Variants in TENM3 observed in about 807,000 individuals in gnomAD.
TENM3 encodes teneurin transmembrane protein 3.
A neutral mutation model predicts 255.1 loss-of-function variants in TENM3; 63 were observed. The observed-to-expected ratio is 0.25, with a 90% CI of 0.20 to 0.30. The LOEUF (loss-of-function observed/expected upper bound fraction) is 0.30. Among genes scored for constraint, TENM3 ranks in the 10% least tolerant of loss-of-function variants. The probability of loss-of-function intolerance (pLI) is 1.00; values close to 1 mark genes in which losing one functional copy is unlikely to be tolerated. For missense variants in TENM3, 2,929 were observed against 3,461.1 expected (o/e 0.85, Z 3.86); for synonymous variants, 1,306 against 1,322.3 (o/e 0.99, Z 0.27).
chr4:181,448,154 A>ATTT, the TENM3 span, among the ~76,000 whole-genome samples: 280 of 90,074 alleles, frequency 3.1e-3, 14 homozygotes, highest in South Asian at 0.019. Context: ...AAATCCAGTA[A>ATTT]TTTTTTTTTT....
At position 182,698,523 on chromosome 4, in the gene TENM3, T is replaced by C. The variant is rs182269154; in HGVS notation, c.2221+10172T>C. Among the ~76,000 whole-genome samples, 132 of 152,356 alleles carry C rather than the reference T, an allele frequency of 8.7e-4. 1 individual carries two copies. Among genetic ancestry groups the C allele is most frequent in the African/African-American group, 3.0e-3 (124 of 41,582 alleles). On this transcript the variant is annotated intron_variant, in intron 12 of 27. Coordinates refer to ENST00000511685, the MANE Select transcript of TENM3 (RefSeq NM_001080477.4). Reference sequence around the variant, plus strand: ...TCCTCACTGACTTCTGCACCTGACTTGCTGTGTAACCGTCAGGAAAAGTCA... The same window carrying C: ...TCCTCACTGACTTCTGCACCTGACTCGCTGTGTAACCGTCAGGAAAAGTCA...
At chr4:182,620,093 G>A (rs115276267) in intron 4 of TENM3, among the ~76,000 whole-genome samples, 3 of 152,244 alleles carry the variant, frequency 2.0e-5, no homozygotes, top group Non-Finnish European at 4.4e-5. Flanking sequence ...AATTTTTTAC[G>A]TGTGAGAAGC....
Position 182,600,897 on chromosome 4 carries a change from CTTTTTT to C in TENM3, c.512-9_512-4del, listed in dbSNP as rs548783934. On this transcript the variant is annotated intron_variant, in intron 3 of 27. Transcript: ENST00000511685. ...TATATATATATAATGAGTTCTCTTTCTTTTTTTTTTTTTTTTTTTTTTTCAGAGCAA... is the reference window on the plus strand; with the variant it reads ...TATATATATATAATGAGTTCTCTTTCTTTTTTTTTTTTTTTTTCAGAGCAA... 9.8e-4 allele frequency: 484 copies of C among 495,312 alleles called. No homozygotes were observed. Among genetic ancestry groups the C allele is most frequent in the East Asian group, 2.2e-3 (50 of 22,848 alleles). The allele number at this position is 495,312 out of a possible 1,614,324, so 30.7% of individuals were successfully genotyped here. A position where few individuals can be genotyped will look rare whatever the true frequency, so the allele number is the denominator to read the frequency against.
intron 3 of TENM3, among the ~76,000 whole-genome samples, chr4:182,583,613 ATAAG>A (rs1361782859): frequency 8.5e-5 from 13 of 152,116 alleles, no homozygotes; most frequent in Non-Finnish European, 1.5e-4. Flanking sequence ...TAATTTTTAT[ATAAG>A]TAAGATTCTA....
At chr4:182,264,572 G>A (rs1366354977) in intron 1 of TENM3, among the ~76,000 whole-genome samples, 1 of 152,240 alleles carries the variant, frequency 6.6e-6, no homozygotes, top group Non-Finnish European at 1.5e-5. Context: ...CTGTAGCTCA[G>A]TAGCTAAGGT....
the TENM3 span, among the ~76,000 whole-genome samples, chr4:181,830,382 C>T: frequency 6.6e-6 from 1 of 152,152 alleles, no homozygotes; most frequent in African/African-American, 2.4e-5. Flanking sequence ...GATTCTCCTG[C>T]CTCAGCCTCC....
intron 3 of TENM3, among the ~76,000 whole-genome samples, chr4:182,439,787 A>G (rs186760959): frequency 2.6e-5 from 4 of 152,174 alleles, no homozygotes; most frequent in Non-Finnish European, 5.9e-5. Context: ...AATCTGTAAC[A>G]TGTATCTTTG....
chr4:181,530,514 C>T, the TENM3 span, among the ~76,000 whole-genome samples: 3 of 152,152 alleles, frequency 2.0e-5, no homozygotes, highest in Admixed American at 2.0e-4. Flanking sequence ...ACAAATCAAG[C>T]TGGTCCTAAG....
chr4:182,269,972 G>A (rs765066987), intron 1 of TENM3, among the ~76,000 whole-genome samples: 4 of 152,156 alleles, frequency 2.6e-5, no homozygotes, highest in Non-Finnish European at 5.9e-5. Context: ...ATCCAGAAGT[G>A]GGGATAAGGA....
At chr4:182,539,663 T>C (rs1740669997) in intron 3 of TENM3, among the ~76,000 whole-genome samples, 1 of 152,202 alleles carries the variant, frequency 6.6e-6, no homozygotes, top group African/African-American at 2.4e-5. Flanking sequence ...CATTAAAATT[T>C]CTCCTCTAAG....
At chr4:182,006,732 A>C in the TENM3 span, among the ~76,000 whole-genome samples, 2 of 149,816 alleles carry the variant, frequency 1.3e-5, no homozygotes, top group African/African-American at 2.4e-5. Context: ...TATCTCTTTC[A>C]ATTCTTCTTT....
intron 4 of TENM3, among the ~76,000 whole-genome samples, chr4:182,619,870 G>A (rs9992800): frequency 0.97 from 147,046 of 152,312 alleles, 71,199 homozygotes; most frequent in East Asian, 1. Flanking sequence ...GGGCATCATT[G>A]GAAACATCAG....
the TENM3 span, among the ~76,000 whole-genome samples, chr4:181,605,567 AAAGAGAGAGAAAGAAAG>A: frequency 1.9e-4 from 6 of 31,874 alleles, no homozygotes; most frequent in African/African-American, 1.9e-4. Flanking sequence ...AGAAAGAAAG[AAAGAGAGAGAAAGAAAG>A]GAAAGAAAGA....
intron 1 of TENM3, among the ~76,000 whole-genome samples, chr4:182,195,438 AGCCCAGCCTAG>A (rs1472991501): frequency 2.0e-5 from 3 of 152,128 alleles, no homozygotes; most frequent in Non-Finnish European, 4.4e-5. Flanking sequence ...CAGGAGTTCA[AGCCCAGCCTAG>A]GCAACATAGC....
intron 3 of TENM3, among the ~76,000 whole-genome samples, chr4:182,443,721 T>A (rs1458408004): frequency 2.0e-5 from 3 of 152,090 alleles, no homozygotes; most frequent in Non-Finnish European, 4.4e-5. Flanking sequence ...CCAGACCTCA[T>A]CACACACACC....
At chr4:181,617,546 GCAGA>G in the TENM3 span, among the ~76,000 whole-genome samples, 1 of 152,156 alleles carries the variant, frequency 6.6e-6, no homozygotes, top group Non-Finnish European at 1.5e-5. Flanking sequence ...TGCCTACAGA[GCAGA>G]CAGAGTGCAA....
At chr4:182,255,347 G>GT (rs1474858126) in intron 1 of TENM3, among the ~76,000 whole-genome samples, 1 of 152,126 alleles carries the variant, frequency 6.6e-6, no homozygotes, top group African/African-American at 2.4e-5. Context: ...ATCATTAACT[G>GT]TTTTAGGAAG....
At position 182,688,345 on chromosome 4, in the gene TENM3, A is replaced by G. The variant is rs377489704; in HGVS notation, c.2215A>G (p.Thr739Ala). The G allele has an allele frequency of 1.2e-6, 2 of 1,606,768 alleles. No individual in the cohort carries two copies. The highest frequency in any genetic ancestry group is 1.3e-5 in the African/African-American group (1 of 74,654). ...CCAGGGCTGGAATGGAGAGCACTGC[A>G]CTATCGGTAGGCTTACTGCAAGTCT... ...CSQGWNGEHC[T>A]IEGCPGLCNS... Residue 739 changes from threonine to alanine, a missense_variant, in exon 12 of 28, where the codon ACT becomes GCT. Physicochemically the swap from Thr to Ala is moderately conservative, Grantham distance 58. This residue lies in a region of TENM3 where 1,608 missense variants were observed against 1,884.4 expected (regional missense o/e 0.85). Coordinates refer to ENST00000511685, the MANE Select transcript of TENM3 (RefSeq NM_001080477.4).
intron 1 of TENM3, among the ~76,000 whole-genome samples, chr4:182,320,823 G>T (rs1763005543): frequency 6.6e-6 from 1 of 152,158 alleles, no homozygotes; most frequent in Non-Finnish European, 1.5e-5. Context: ...AAAACAGGTG[G>T]TGGATCCGAT....
Sources: gnomAD v4.1 joint callset for allele counts (sites outside exome capture counted in the v4.1 genomes callset) on GRCh38, gnomAD v4.1.1 for gene constraint, gnomAD v4.1.1 regional missense constraint, MANE v1.5 for transcripts, NCBI Gene and HGNC (gene_info 2026-07-23, HGNC 2026-07-21) for gene names.